The following REDIC1 variants were observed in gnomAD, a reference collection of about 807,000 sequenced individuals.
REDIC1 encodes the protein HEI10 Interacting Protein 1.
the REDIC1 span, among the ~76,000 whole-genome samples, chr12:39,861,843 A>G: frequency 2.0e-5 from 3 of 152,170 alleles, no homozygotes; most frequent in Admixed American, 1.3e-4. Flanking sequence ...ACTTTTATCT[A>G]TTAAAAGCAG....
the REDIC1 span, among the ~76,000 whole-genome samples, chr12:39,809,434 C>A: frequency 1.3e-5 from 2 of 152,016 alleles, no homozygotes; most frequent in African/African-American, 4.8e-5. Flanking sequence ...TTTTATAGAA[C>A]TGTTTATAGG....
chr12:39,861,026 C>T, the REDIC1 span, among the ~76,000 whole-genome samples: 1 of 152,238 alleles, frequency 6.6e-6, no homozygotes, highest in African/African-American at 2.4e-5. Context: ...ATAGTCTTAT[C>T]TGAATCTTCT....
At chr12:39,666,120 G>C in the REDIC1 span, among the ~76,000 whole-genome samples, 1 of 152,160 alleles carries the variant, frequency 6.6e-6, no homozygotes, top group Admixed American at 6.5e-5. Flanking sequence ...GGAGTGGTGA[G>C]AGAGGGCATC....
At chr12:39,723,627 A>G in the REDIC1 span, among the ~76,000 whole-genome samples, 9 of 152,254 alleles carry the variant, frequency 5.9e-5, no homozygotes, top group East Asian at 1.9e-4. Context: ...GGTTCTACCC[A>G]GATGAAACAA....
At chr12:39,712,714 G>GTATACGTGTATATATGTATATAT in the REDIC1 span, among the ~76,000 whole-genome samples, 106 of 33,080 alleles carry the variant, frequency 3.2e-3, no homozygotes, top group African/African-American at 0.013. Context: ...TATGTATATA[G>GTATACGTGTATATATGTATATAT]ACGTATACGT....
the REDIC1 span, chr12:39,871,886 T>C: frequency 2.5e-6 from 4 of 1,612,178 alleles, no homozygotes; most frequent in African/African-American, 2.7e-5. Context: ...TTGTGAAGGC[T>C]GTAACTGAAG....
chr12:39,709,293 T>C, the REDIC1 span, among the ~76,000 whole-genome samples: 2 of 149,150 alleles, frequency 1.3e-5, no homozygotes, highest in Admixed American at 6.8e-5. Context: ...AATCAGTAAT[T>C]TGGGAGAGAG....
the REDIC1 span, among the ~76,000 whole-genome samples, chr12:39,814,810 TATGCATATGTCACAA>T: frequency 6.6e-6 from 1 of 152,226 alleles, no homozygotes; most frequent in Admixed American, 6.5e-5. Context: ...TTATCACAAT[TATGCATATGTCACAA>T]TATGCATTAT....
At chr12:39,823,119 C>A in the REDIC1 span, among the ~76,000 whole-genome samples, 1 of 152,154 alleles carries the variant, frequency 6.6e-6, no homozygotes, top group South Asian at 2.1e-4. Context: ...CATGCAGCTA[C>A]AGATACTAAA....
chr12:39,698,637 T>C, the REDIC1 span, among the ~76,000 whole-genome samples: 10 of 152,176 alleles, frequency 6.6e-5, 1 homozygote, highest in African/African-American at 2.4e-4. Flanking sequence ...TGAAATGATA[T>C]CAAATATCTT....
the REDIC1 span, among the ~76,000 whole-genome samples, chr12:39,767,308 T>TG: frequency 1.3e-5 from 2 of 151,356 alleles, no homozygotes; most frequent in East Asian, 2.0e-4. Context: ...GAATCTTTTT[T>TG]TTCTTTTCCT....
chr12:39,809,179 C>G, the REDIC1 span, among the ~76,000 whole-genome samples: 26 of 152,114 alleles, frequency 1.7e-4, no homozygotes, highest in Middle Eastern at 3.2e-3. Flanking sequence ...ACTATTCTTT[C>G]CCCATTGGAT....
the REDIC1 span, among the ~76,000 whole-genome samples, chr12:39,638,101 A>AAAC: frequency 6.6e-6 from 1 of 152,032 alleles, no homozygotes. Context: ...ACAAACAAAC[A>AAAC]AACAACAACA....
chr12:39,896,414 A>ATATGTG, the REDIC1 span, among the ~76,000 whole-genome samples: 3 of 118,436 alleles, frequency 2.5e-5, no homozygotes, highest in African/African-American at 1.3e-4. Context: ...ACATATATGT[A>ATATGTG]TGTATATGTG....
At chr12:39,888,002 G>C in the REDIC1 span, among the ~76,000 whole-genome samples, 2 of 152,112 alleles carry the variant, frequency 1.3e-5, no homozygotes, top group East Asian at 3.9e-4. Context: ...TCTCAGCCTT[G>C]TGTTGATGGA....
At chr12:39,798,119 G>C in the REDIC1 span, among the ~76,000 whole-genome samples, 1 of 152,184 alleles carries the variant, frequency 6.6e-6, no homozygotes, top group Non-Finnish European at 1.5e-5. Flanking sequence ...GGACAGCCAA[G>C]CTGCCCAATG....
chr12:39,807,566 T>C, the REDIC1 span, among the ~76,000 whole-genome samples: 1 of 152,196 alleles, frequency 6.6e-6, no homozygotes, highest in South Asian at 2.1e-4. Context: ...TTGATAAATA[T>C]CAGCTAGGCT....
the REDIC1 span, among the ~76,000 whole-genome samples, chr12:39,863,028 A>G: frequency 6.6e-6 from 1 of 152,152 alleles, no homozygotes; most frequent in African/African-American, 2.4e-5. Flanking sequence ...TCAAATTCCC[A>G]CAAAGCCTAA....
chr12:39,737,852 T>A, the REDIC1 span, among the ~76,000 whole-genome samples: 1 of 152,232 alleles, frequency 6.6e-6, no homozygotes, highest in Non-Finnish European at 1.5e-5. Flanking sequence ...CCAGAACTTA[T>A]GCCTTGCTTG....
Sources: gnomAD v4.1 joint callset for allele counts (sites outside exome capture counted in the v4.1 genomes callset) on GRCh38, gnomAD v4.1.1 for gene constraint, MANE v1.5 for transcripts, NCBI Gene and HGNC (gene_info 2026-07-23, HGNC 2026-07-21) for gene names.